ST6GALNAC6: variants seen among roughly 807,000 people sequenced by gnomAD.
ST6GALNAC6 encodes the protein ST6 N-acetylgalactosaminide alpha-2,6-sialyltransferase 6.
ST6GALNAC6 carries 19 observed loss-of-function variants against 34.3 expected under a neutral mutation model. The ratio of observed to expected loss-of-function variants is 0.55; its 90% CI spans 0.39 to 0.81. The LOEUF (loss-of-function observed/expected upper bound fraction) is 0.81, where lower values mean the gene tolerates loss of function less well. Ranked by LOEUF, ST6GALNAC6 falls within the 40% of genes least tolerant of loss-of-function variation. The pLI is 0.00. For synonymous variants in ST6GALNAC6, 185 were observed against 182.1 expected (o/e 1.02, Z -0.13); for missense variants, 377 against 467.7 (o/e 0.81, Z 1.79).
chr9:127,890,544 A>G lies in ST6GALNAC6; in HGVS notation c.704+93T>C. On this transcript the variant is annotated intron_variant, in intron 5 of 6. Transcript: ENST00000373146. This position sits in a 1 kb window ranked among gnomAD's most constrained non-coding sequence, Gnocchi z 4.3. ...ACGGCGGGACTTGACTACCCCTCAG[A>G]GCAGTGCATGCTGGGAGCAACAGGC... 2 of 1,567,534 alleles carry G rather than the reference A, an allele frequency of 1.3e-6. No homozygotes were observed. The highest frequency in any genetic ancestry group is 1.2e-5 in the South Asian group (1 of 86,148).
intron 2 of ST6GALNAC6, among the ~76,000 whole-genome samples, chr9:127,897,600 C>A (rs1344869389): frequency 6.6e-6 from 1 of 152,116 alleles, no homozygotes; most frequent in Non-Finnish European, 1.5e-5. Context: ...CTAGTCCAGG[C>A]CCTGCGGTAC....
At chr9:127,899,168 G>C (rs1371255778) in intron 1 of ST6GALNAC6, 3 of 152,420 alleles carry the variant, frequency 2.0e-5, no homozygotes, top group African/African-American at 7.2e-5. Context: ...CTGGTGGGGG[G>C]CTCACCCAGC....
upstream of ST6GALNAC6, among the ~76,000 whole-genome samples, chr9:127,900,535 G>C (rs1830710450): frequency 7.6e-6 from 1 of 131,804 alleles, no homozygotes. Flanking sequence ...ACTCCAGCCT[G>C]GGCAACAAGA....
In ST6GALNAC6 at chr9:127,897,974, C is replaced by T; in HGVS notation, c.8G>A (p.Cys3Tyr). The stretch of plus-strand genomic sequence containing the variant: ...CACTTACTGGCTGGGGGGCCTCGAG[C>T]AAGCCATGTGACCTCTCTGAGCCTC... The part of the protein sequence containing the change: MA[C>Y]SRPPSQCEPT... Residue 3 changes from cysteine (C) to tyrosine (Y), a missense_variant, in exon 2 of 7, where the codon TGC (cysteine) becomes TAC (tyrosine). By Grantham distance (194) the Cys-to-Tyr change is radical. Coordinates refer to ENST00000373146, the MANE Select transcript of ST6GALNAC6 (RefSeq NM_013443.5). 4 of 1,592,614 alleles carry T rather than the reference C, an allele frequency of 2.5e-6. No homozygotes were observed. Among genetic ancestry groups the T allele is most frequent in the Non-Finnish European group, 3.4e-6 (4 of 1,163,390 alleles).
At chr9:127,902,413 G>T (rs1194837453), upstream of ST6GALNAC6, among the ~76,000 whole-genome samples, 2 of 152,128 alleles carry the variant, frequency 1.3e-5, no homozygotes, top group Non-Finnish European at 2.9e-5. Context: ...GCCTGCCTCA[G>T]CCTTCCAAAG....
At chr9:127,888,504 CAA>C (rs143037868) in intron 5 of ST6GALNAC6, among the ~76,000 whole-genome samples, 50 of 59,522 alleles carry the variant, frequency 8.4e-4, no homozygotes, top group Admixed American at 1.7e-3. Context: ...ACTCCTTCTC[CAA>C]AAAAAAAAAA....
chr9:127,901,701 G>C (rs1454263194), upstream of ST6GALNAC6, among the ~76,000 whole-genome samples: 1 of 152,166 alleles, frequency 6.6e-6, no homozygotes, highest in Non-Finnish European at 1.5e-5. Context: ...GGAGGCCAAG[G>C]CAGGCGGATC....
Position 127,894,661 on chromosome 9 carries a change from A to C in ST6GALNAC6, c.148T>G (p.Phe50Val). The C allele has an allele frequency of 1.2e-6, 2 of 1,614,192 alleles. No homozygotes were observed. Among genetic ancestry groups the C allele is most frequent in the Non-Finnish European group, 1.7e-6 (2 of 1,180,028 alleles). ...AGGATGAGGATGGTGATGAGGGCAA[A>C]GAGGATCACGAACACTGCTGACCGC... ...EQRSAVFVIL[F>V]ALITILILYS... Residue 50 changes from phenylalanine to valine, a missense_variant, in exon 4 of 7, where the codon TTT becomes GTT. Transcript: ENST00000373146.
In ST6GALNAC6 at chr9:127,886,451, T is replaced by C; in HGVS notation, c.*148A>G. ...GCCAACAGATTCCCCAGGCCCTGAT[T>C]GGCTGGAGGATACATCCTCCTCAAG... On this transcript the variant is annotated 3_prime_UTR_variant, in exon 7 of 7. Transcript: ENST00000373146. 1 of 1,447,380 alleles carries C rather than the reference T, an allele frequency of 6.9e-7. No homozygotes were observed. Among genetic ancestry groups the C allele is most frequent in the Non-Finnish European group, 9.1e-7 (1 of 1,100,770 alleles). The allele number at this position is 1,447,380 out of a possible 1,614,324, so 89.7% of individuals were successfully genotyped here. A position where few individuals can be genotyped will look rare whatever the true frequency, so the allele number is the denominator to read the frequency against.
At chr9:127,897,246 G>A in intron 2 of ST6GALNAC6, 3 of 985,892 alleles carry the variant, frequency 3.0e-6, no homozygotes, top group Non-Finnish European at 3.6e-6. Context: ...ACCTCCAGCA[G>A]ACAGGCCGGG....
At chr9:127,902,994 T>C (rs1830812240), upstream of ST6GALNAC6, 1 of 116,886 alleles carries the variant, frequency 8.6e-6, no homozygotes, top group Non-Finnish European at 1.8e-5. Context: ...TGCTTGCTTT[T>C]TTTTTTTTTT....
chr9:127,900,748 T>C (rs1048621194), upstream of ST6GALNAC6, among the ~76,000 whole-genome samples: 1 of 151,198 alleles, frequency 6.6e-6, no homozygotes, highest in Non-Finnish European at 1.5e-5. Flanking sequence ...GGTCAGGAGT[T>C]AGAGACCAGC....
chr9:127,897,264 C>T, intron 2 of ST6GALNAC6: 1 of 985,900 alleles, frequency 1.0e-6, no homozygotes, highest in African/African-American at 1.7e-5. Context: ...GGGGGCAGGG[C>T]GGGCAGGAGT....
chr9:127,896,317 G>C lies in ST6GALNAC6; in HGVS notation c.42C>G (p.Ser14=). 3 of 1,613,000 alleles carry C rather than the reference G, an allele frequency of 1.9e-6. No individual in the cohort carries two copies. Among genetic ancestry groups the C allele is most frequent in the Non-Finnish European group, 2.5e-6 (3 of 1,179,418 alleles). Residue 14 remains serine (S), a synonymous_variant, in exon 3 of 7, where the codon TCC becomes TCG. Coordinates refer to ENST00000373146, the MANE Select transcript of ST6GALNAC6 (RefSeq NM_013443.5). ...GTCCTGCAGGTGGCCCTGGGGGCAG[G>C]GATGTGGGTTCACACCTGCAAGCCA... ...SRPPSQCEPT[S]LPPGPPAGRR...
chr9:127,892,277 T>C (rs1364265194), intron 4 of ST6GALNAC6, among the ~76,000 whole-genome samples: 1 of 152,206 alleles, frequency 6.6e-6, no homozygotes, highest in Non-Finnish European at 1.5e-5. Context: ...AAGCTAACTA[T>C]GAGAGGAATT....
At chr9:127,906,024 C>G (rs931538248), upstream of ST6GALNAC6, 3 of 982,176 alleles carry the variant, frequency 3.1e-6, no homozygotes, top group Non-Finnish European at 3.6e-6. Flanking sequence ...GGGCTCTCCT[C>G]CCCCCTCCCA....
chr9:127,887,416 C>A, intron 6 of ST6GALNAC6, 68 bp downstream of exon 6: 1 of 1,376,768 alleles, frequency 7.3e-7, no homozygotes, highest in South Asian at 1.2e-5. Context: ...GTTTCCAGCC[C>A]CTAGAGCTCC....
chr9:127,896,004 G>T (rs541411195), intron 3 of ST6GALNAC6, among the ~76,000 whole-genome samples: 1 of 152,174 alleles, frequency 6.6e-6, no homozygotes, highest in Non-Finnish European at 1.5e-5. Flanking sequence ...CAGACAGACC[G>T]TCAGGCCTGG....
intron 1 of ST6GALNAC6, 67 bp downstream of exon 1, chr9:127,899,436 G>T: frequency 2.6e-6 from 2 of 768,276 alleles, no homozygotes; most frequent in Non-Finnish European, 1.6e-6. Flanking sequence ...CTCTCCCGGC[G>T]CCCTCCGCCC....
Sources: allele counts gnomAD v4.1 joint callset (sites outside exome capture counted in the v4.1 genomes callset), GRCh38; gene constraint gnomAD v4.1.1; non-coding constraint Gnocchi (gnomAD v3.1); transcripts MANE v1.5; gene names NCBI Gene and HGNC (gene_info 2026-07-23, HGNC 2026-07-21).